The following MECOM variants were observed in gnomAD, a reference collection of about 807,000 sequenced individuals.
MECOM encodes MDS1 and EVI1 complex locus.
Under a neutral mutation model 116.3 loss-of-function variants are expected in MECOM, and 13 were observed. The ratio of observed to expected loss-of-function variants is 0.11; its 90% CI spans 0.07 to 0.18. The LOEUF (loss-of-function observed/expected upper bound fraction) is 0.18, where lower values mean the gene tolerates loss of function less well. Ranked by LOEUF, MECOM falls within the 10% of genes least tolerant of loss-of-function variation. The probability of loss-of-function intolerance (pLI) is 1.00; values close to 1 mark genes in which losing one functional copy is unlikely to be tolerated. For synonymous variants in MECOM, 528 were observed against 535.2 expected (o/e 0.99, Z 0.19); for missense variants, 1,299 against 1,509.0 (o/e 0.86, Z 2.31).
At chr3:169,582,719 G>T (rs967142823) in intron 1 of MECOM, among the ~76,000 whole-genome samples, 1 of 152,206 alleles carries the variant, frequency 6.6e-6, no homozygotes, top group Admixed American at 6.5e-5. Flanking sequence ...TTCAGAGAAG[G>T]TTTTAGCAAA....
At chr3:169,559,505 C>T (rs542243418) in intron 1 of MECOM, among the ~76,000 whole-genome samples, 1 of 152,304 alleles carries the variant, frequency 6.6e-6, no homozygotes, top group African/African-American at 2.4e-5. Flanking sequence ...CTGCACACCT[C>T]CTGGGGTGTA....
At chr3:169,353,751 C>T (rs1726783774) in intron 2 of MECOM, among the ~76,000 whole-genome samples, 1 of 151,686 alleles carries the variant, frequency 6.6e-6, no homozygotes, top group Admixed American at 6.6e-5. Flanking sequence ...TTTCCACAAG[C>T]CAATTACTGT....
chr3:169,375,995 T>C (rs1730968612), intron 2 of MECOM, among the ~76,000 whole-genome samples: 1 of 152,092 alleles, frequency 6.6e-6, no homozygotes, highest in African/African-American at 2.4e-5. Context: ...TCAAGTCGGC[T>C]TCATCCCTGG....
At chr3:169,210,856 G>T (rs1750633256) in intron 2 of MECOM, among the ~76,000 whole-genome samples, 1 of 151,986 alleles carries the variant, frequency 6.6e-6, no homozygotes, top group Admixed American at 6.6e-5. Flanking sequence ...CCCTGTCCTA[G>T]AATTTCATAT....
At chr3:169,489,865 T>C (rs1752868457) in intron 1 of MECOM, among the ~76,000 whole-genome samples, 1 of 152,002 alleles carries the variant, frequency 6.6e-6, no homozygotes, top group Admixed American at 6.5e-5. Flanking sequence ...CACAAACATA[T>C]AAAGTATAAA....
chr3:169,284,621 A>T (rs1712886147), intron 2 of MECOM, among the ~76,000 whole-genome samples: 1 of 152,066 alleles, frequency 6.6e-6, no homozygotes, highest in Admixed American at 6.6e-5. Flanking sequence ...AAATGTATAG[A>T]TAAATATCCA....
At position 169,663,348 on chromosome 3, in the gene MECOM, T is replaced by G; in HGVS notation, c.25A>C (p.Lys9Gln). 6.2e-7 allele frequency: 1 copy of G among 1,610,576 alleles called. No individual in the cohort carries two copies. Among genetic ancestry groups the G allele is most frequent in the Non-Finnish European group, 8.5e-7 (1 of 1,178,508 alleles). Reference sequence around the variant, plus strand: ...ATATTGCACCTACTTGTGGCCAGTTTCCTTGCCCTGCCTTTGGATCTCATG... The same window carrying G: ...ATATTGCACCTACTTGTGGCCAGTTGCCTTGCCCTGCCTTTGGATCTCATG... MRSKGRAR[K>Q]LATNNECVYG... The change falls in exon 1 of 17, where the codon AAA becomes CAA. Residue 9 changes from lysine (K) to glutamine (Q), a missense_variant. Physicochemically the swap from Lys to Gln is moderately conservative, Grantham distance 53. Transcript: ENST00000651503.
At chr3:169,216,422 A>G (rs1577370120) in intron 2 of MECOM, among the ~76,000 whole-genome samples, 1 of 152,184 alleles carries the variant, frequency 6.6e-6, no homozygotes, top group Non-Finnish European at 1.5e-5. Flanking sequence ...CTTAAAAGCA[A>G]TAGTTGAAAC....
At chr3:169,108,358 A>G (rs1726142683) in intron 9 of MECOM, among the ~76,000 whole-genome samples, 1 of 152,222 alleles carries the variant, frequency 6.6e-6, no homozygotes, top group African/African-American at 2.4e-5. Context: ...AAGAAAAGAT[A>G]TTTACTCAAA....
chr3:169,599,406 C>T (rs1232587128), intron 1 of MECOM, among the ~76,000 whole-genome samples: 2 of 151,354 alleles, frequency 1.3e-5, no homozygotes, highest in Admixed American at 6.6e-5. Context: ...CCCAGCTACT[C>T]GGGAGGCTGA....
intron 2 of MECOM, among the ~76,000 whole-genome samples, chr3:169,276,682 T>C (rs1201647285): frequency 1.3e-5 from 2 of 151,990 alleles, no homozygotes; most frequent in African/African-American, 2.4e-5. Context: ...GTGTACTAGA[T>C]CTTCTTTATG....
rs188153318 is a variant in MECOM at position 169,470,963 on chromosome 3, T to C, written c.38-89439A>G. 7.9e-5 allele frequency among the ~76,000 whole-genome samples: 12 copies of C among 152,268 alleles called. No individual in the cohort carries two copies. The East Asian group carries it at 2.3e-3, about 29-fold the overall frequency. The stretch of plus-strand genomic sequence containing the variant: ...GGGGCTTGTTTGTTGTTTTGTTTGT[T>C]TGTTTTGAGACAGGGTCTGGCTCTG... On this transcript the variant is annotated intron_variant, in intron 1 of 16. Transcript: ENST00000651503.
At chr3:169,581,737 T>C (rs371079791) in intron 1 of MECOM, among the ~76,000 whole-genome samples, 1 of 152,334 alleles carries the variant, frequency 6.6e-6, no homozygotes, top group East Asian at 1.9e-4. Flanking sequence ...CTATGCGATG[T>C]GTTAGAGACA....
At chr3:169,357,544 T>A (rs899954938) in intron 2 of MECOM, among the ~76,000 whole-genome samples, 1 of 151,842 alleles carries the variant, frequency 6.6e-6, no homozygotes, top group Non-Finnish European at 1.5e-5. Context: ...AGTTCCCTTC[T>A]TCATAAGCAC....
intron 2 of MECOM, among the ~76,000 whole-genome samples, chr3:169,267,859 C>T (rs1758502297): frequency 6.6e-6 from 1 of 151,922 alleles, no homozygotes. Context: ...TCCAGAGATG[C>T]AGGAAAAGGA....
At chr3:169,605,097 G>T (rs746175442) in intron 1 of MECOM, among the ~76,000 whole-genome samples, 5 of 152,160 alleles carry the variant, frequency 3.3e-5, no homozygotes, top group Non-Finnish European at 5.9e-5. Context: ...AACTCTGAGT[G>T]GGAGGTTTAG....
chr3:169,382,296 AAACGCTT>A (rs1732525453), intron 1 of MECOM, among the ~76,000 whole-genome samples: 1 of 152,162 alleles, frequency 6.6e-6, no homozygotes, highest in Non-Finnish European at 1.5e-5. Context: ...GGGAGATCAG[AAACGCTT>A]TGTATGGGGC....
chr3:169,245,741 C>A (rs1050812642), intron 2 of MECOM, among the ~76,000 whole-genome samples: 1 of 152,148 alleles, frequency 6.6e-6, no homozygotes, highest in Non-Finnish European at 1.5e-5. Context: ...TCAAATTCTA[C>A]GCAGTACAGA....
At chr3:169,109,863 G>C (rs1355910890) in intron 9 of MECOM, among the ~76,000 whole-genome samples, 1 of 152,248 alleles carries the variant, frequency 6.6e-6, no homozygotes, top group South Asian at 2.1e-4. Context: ...GAATGGGAAG[G>C]AATATGCTGG....
Sources: gnomAD v4.1 joint callset for allele counts (sites outside exome capture counted in the v4.1 genomes callset) on GRCh38, gnomAD v4.1.1 for gene constraint, MANE v1.5 for transcripts, NCBI Gene and HGNC (gene_info 2026-07-23, HGNC 2026-07-21) for gene names.